HOMER1: variants seen among roughly 807,000 people sequenced by gnomAD.
HOMER1 encodes the protein homer scaffold protein 1, also known as homer protein homolog 1.
A neutral mutation model predicts 48.9 loss-of-function variants in HOMER1; 3 were observed. That is an observed-to-expected ratio of 0.06 (90% confidence interval 0.03 to 0.16). The LOEUF is 0.16. HOMER1 is among the 10% of genes least tolerant of loss of function. HOMER1 has a pLI of 1.00. For synonymous variants in HOMER1, 134 were observed against 146.4 expected (o/e 0.92, Z 0.61); for missense variants, 247 against 411.4 (o/e 0.60, Z 3.46).
chr5:79,398,308 T>TAC (rs139315456), intron 6 of HOMER1, among the ~76,000 whole-genome samples: 18,948 of 149,378 alleles, frequency 0.13, 1,225 homozygotes, highest in Middle Eastern at 0.19. Context: ...TCAATATAAA[T>TAC]ACACACACAC....
intron 1 of HOMER1, among the ~76,000 whole-genome samples, chr5:79,494,073 A>T (rs1457934439): frequency 6.6e-6 from 1 of 151,942 alleles, no homozygotes; most frequent in Non-Finnish European, 1.5e-5. Flanking sequence ...CTTGAAACTC[A>T]CTCCCTTTCT....
chr5:79,388,235 A>G (rs1174097325), intron 8 of HOMER1, among the ~76,000 whole-genome samples: 1 of 152,210 alleles, frequency 6.6e-6, no homozygotes, highest in African/African-American at 2.4e-5. Flanking sequence ...AGATAAAAGG[A>G]AGAGAAAGGA....
chr5:79,466,761 T>C (rs1414288211), intron 1 of HOMER1, among the ~76,000 whole-genome samples: 4 of 149,686 alleles, frequency 2.7e-5, no homozygotes, highest in Non-Finnish European at 5.9e-5. Flanking sequence ...TTATTAAAAA[T>C]CTAAGTGATT....
At chr5:79,416,133 T>C (rs1035076373) in intron 5 of HOMER1, among the ~76,000 whole-genome samples, 1 of 152,202 alleles carries the variant, frequency 6.6e-6, no homozygotes, top group Non-Finnish European at 1.5e-5. Context: ...TATTTTAAAG[T>C]GGCTCCTTTT....
intron 5 of HOMER1, among the ~76,000 whole-genome samples, chr5:79,423,779 C>A (rs1750168498): frequency 6.6e-6 from 1 of 151,948 alleles, no homozygotes; most frequent in Non-Finnish European, 1.5e-5. Context: ...ACCTGACCAC[C>A]CCTTTTACTT....
At chr5:79,452,806 T>C (rs752006480) in intron 2 of HOMER1, among the ~76,000 whole-genome samples, 2 of 152,200 alleles carry the variant, frequency 1.3e-5, no homozygotes, top group African/African-American at 4.8e-5. Context: ...AAAATTTACA[T>C]ATTCATACTT....
chr5:79,511,110 T>C (rs1752930764), intron 1 of HOMER1, among the ~76,000 whole-genome samples: 1 of 152,222 alleles, frequency 6.6e-6, no homozygotes, highest in Non-Finnish European at 1.5e-5. Flanking sequence ...TCCATGATGC[T>C]ACTACTCCAC....
intron 1 of HOMER1, among the ~76,000 whole-genome samples, chr5:79,503,903 C>G (rs1356300798): frequency 1.3e-5 from 2 of 152,122 alleles, no homozygotes; most frequent in African/African-American, 4.8e-5. Context: ...GTGGAAGAAA[C>G]TCTGCATTTA....
At chr5:79,436,263 T>G (rs1750581965) in intron 5 of HOMER1, among the ~76,000 whole-genome samples, 1 of 152,252 alleles carries the variant, frequency 6.6e-6, no homozygotes, top group African/African-American at 2.4e-5. Context: ...TTCAATAAAA[T>G]TTATTTCAAT....
At chr5:79,388,638 A>G (rs1052902908) in intron 8 of HOMER1, among the ~76,000 whole-genome samples, 2 of 152,138 alleles carry the variant, frequency 1.3e-5, no homozygotes, top group Admixed American at 6.5e-5. Context: ...ACAAAACTCC[A>G]AAGAACAGAA....
chr5:79,453,687 A>G (rs1250815574), intron 2 of HOMER1, among the ~76,000 whole-genome samples: 1 of 152,162 alleles, frequency 6.6e-6, no homozygotes, highest in East Asian at 1.9e-4. Context: ...CAGTGCCCTG[A>G]TCCTGGCCCT....
At chr5:79,457,828 T>G (rs1167034404) in intron 1 of HOMER1, among the ~76,000 whole-genome samples, 1 of 152,208 alleles carries the variant, frequency 6.6e-6, no homozygotes, top group African/African-American at 2.4e-5. Flanking sequence ...TCATGGAAGA[T>G]GTGAATAATG....
intron 1 of HOMER1, among the ~76,000 whole-genome samples, chr5:79,475,295 T>C (rs966638001): frequency 4.0e-5 from 4 of 99,608 alleles, no homozygotes; most frequent in Non-Finnish European, 6.2e-5. Flanking sequence ...CCCGTATCTT[T>C]ATCTTATACT....
intron 1 of HOMER1, among the ~76,000 whole-genome samples, chr5:79,503,798 GATC>G (rs957517031): frequency 1.3e-5 from 2 of 151,806 alleles, no homozygotes; most frequent in Non-Finnish European, 2.9e-5. Context: ...AGTGGAAGTC[GATC>G]ATCATAAATA....
chr5:79,392,541 C>CA (rs908186521), intron 8 of HOMER1, among the ~76,000 whole-genome samples: 8 of 151,936 alleles, frequency 5.3e-5, no homozygotes, highest in Non-Finnish European at 8.8e-5. Flanking sequence ...GCAGCTATTA[C>CA]AAAAAAGTAA....
At chr5:79,430,203 G>A (rs1750386140) in intron 5 of HOMER1, among the ~76,000 whole-genome samples, 1 of 152,084 alleles carries the variant, frequency 6.6e-6, no homozygotes, top group Non-Finnish European at 1.5e-5. Flanking sequence ...AATTAAAAAT[G>A]AGCAAAGGAT....
intron 4 of HOMER1, among the ~76,000 whole-genome samples, chr5:79,441,965 T>G (rs1022555351): frequency 2.1e-5 from 3 of 141,110 alleles, no homozygotes; most frequent in Admixed American, 7.2e-5. Flanking sequence ...TATTCTTTTT[T>G]GGGGTGTGTG....
chr5:79,502,994 G>A (rs1258039284), intron 1 of HOMER1, among the ~76,000 whole-genome samples: 1 of 152,070 alleles, frequency 6.6e-6, no homozygotes, highest in Non-Finnish European at 1.5e-5. Flanking sequence ...GTTTCACCGT[G>A]TTAGCCAGGA....
intron 6 of HOMER1, 39 bp from the exon 7 acceptor site, chr5:79,397,676 A>T: frequency 8.0e-7 from 1 of 1,243,182 alleles, no homozygotes; most frequent in Non-Finnish European, 1.2e-6. Flanking sequence ...TTAAATTTCA[A>T]CTTTAAAGAG....
Sources: allele counts gnomAD v4.1 joint callset (sites outside exome capture counted in the v4.1 genomes callset), GRCh38; gene constraint gnomAD v4.1.1; transcripts MANE v1.5; gene names NCBI Gene and HGNC (gene_info 2026-07-23, HGNC 2026-07-21).